Variants in MTCH2 observed in about 807,000 individuals in gnomAD.
The protein encoded by MTCH2 is mitochondrial carrier 2, also known as mitochondrial carrier homolog 2.
MTCH2 carries 25 observed loss-of-function variants against 50.6 expected under a neutral mutation model. The ratio of observed to expected loss-of-function variants is 0.49; its 90% CI spans 0.36 to 0.69. MTCH2 has a LOEUF of 0.69. Ranked by LOEUF, MTCH2 falls within the 30% of genes least tolerant of loss-of-function variation. The pLI is 0.00. For missense variants in MTCH2, 273 were observed against 384.4 expected (o/e 0.71, Z 2.42); for synonymous variants, 106 against 132.0 (o/e 0.80, Z 1.35).
At chr11:47,630,946 G>A in intron 7 of MTCH2, 90 bp downstream of exon 7, 2 of 1,062,366 alleles carry the variant, frequency 1.9e-6, no homozygotes, top group Middle Eastern at 2.3e-4. Context: ...TCTACAAATT[G>A]TAAGGGTATC....
chr11:47,628,497 A>T (rs1715814252), intron 9 of MTCH2, among the ~76,000 whole-genome samples: 1 of 152,224 alleles, frequency 6.6e-6, no homozygotes, highest in African/African-American at 2.4e-5. Context: ...TTTCATTAGC[A>T]TTTGAAAATT....
At chr11:47,612,342 C>T (rs191513292), downstream of MTCH2, among the ~76,000 whole-genome samples, 12 of 151,840 alleles carry the variant, frequency 7.9e-5, no homozygotes, top group East Asian at 1.2e-3. Flanking sequence ...CTGAGATGGG[C>T]GGATCATGAG....
downstream of MTCH2, among the ~76,000 whole-genome samples, chr11:47,616,682 CTTTTTTTTTT>C (rs1313533322): frequency 1.5e-5 from 2 of 137,610 alleles, no homozygotes; most frequent in South Asian, 2.3e-4. Context: ...CTTTTTTTTT[CTTTTTTTTTT>C]TTTTAAGAGA....
chr11:47,613,672 T>G (rs2097286795), downstream of MTCH2, among the ~76,000 whole-genome samples: 1 of 152,220 alleles, frequency 6.6e-6, no homozygotes, highest in African/African-American at 2.4e-5. Flanking sequence ...TTTCCGCTAT[T>G]TATAATTCTG....
intron 1 of MTCH2, among the ~76,000 whole-genome samples, chr11:47,639,539 TAGA>T (rs1373515003): frequency 1.3e-5 from 2 of 152,220 alleles, no homozygotes; most frequent in Non-Finnish European, 2.9e-5. Context: ...AACTTCATGT[TAGA>T]AGAACAGGCT....
the MTCH2 span, among the ~76,000 whole-genome samples, chr11:47,611,081 A>G: frequency 2.0e-5 from 3 of 152,144 alleles, no homozygotes; most frequent in African/African-American, 4.8e-5. Context: ...TAATCCTCCA[A>G]TACTCCTAGA....
chr11:47,639,232 T>C (rs1185556539), intron 1 of MTCH2, among the ~76,000 whole-genome samples, 181 bp from the exon 2 acceptor site: 4 of 152,240 alleles, frequency 2.6e-5, no homozygotes, highest in Admixed American at 6.5e-5. Context: ...TTGGTAATAC[T>C]GAGTTCAATA....
intron 1 of MTCH2, among the ~76,000 whole-genome samples, chr11:47,641,756 G>A (rs1176322655): frequency 6.6e-6 from 1 of 152,176 alleles, no homozygotes; most frequent in Non-Finnish European, 1.5e-5. Flanking sequence ...AGCCACATGG[G>A]CCGCTGCTGG....
chr11:47,621,516 T>A (rs999749002), intron 12 of MTCH2, among the ~76,000 whole-genome samples: 20 of 151,270 alleles, frequency 1.3e-4, no homozygotes, highest in African/African-American at 4.9e-4. Flanking sequence ...CACTGCAACC[T>A]CCACCTCCTG....
rs76146660 is a variant in MTCH2, at chr11:47,622,780, A to G, written c.750-4T>C. 1 of 1,253,242 alleles carries G rather than the reference A, an allele frequency of 8.0e-7. No homozygotes were observed. Among genetic ancestry groups the G allele is most frequent in the Admixed American group, 3.6e-5 (1 of 27,866 alleles). 77.6% of individuals were successfully genotyped at this position (1,253,242 alleles called of 1,614,324 possible). A position where few individuals can be genotyped will look rare whatever the true frequency, so the allele number is the denominator to read the frequency against. On this transcript the variant is annotated splice_region_variant and splice_polypyrimidine_tract_variant and intron_variant, in intron 11 of 12. Coordinates refer to ENST00000302503, the MANE Select transcript of MTCH2 (RefSeq NM_014342.4). ...AGGAGGGCATCCACCAGCAAGACTA[A>G]AATAGAAAAAAACATGGAGCTATTC...
In MTCH2 at chr11:47,626,331, CTTTT is replaced by C. The variant is rs572241881; in HGVS notation, c.682-594_682-591del. Among the ~76,000 whole-genome samples, 76 of 135,548 alleles carry C rather than the reference CTTTT, an allele frequency of 5.6e-4. 2 individuals are homozygous for C. The highest frequency in any genetic ancestry group is 1.8e-3 in the African/African-American group (68 of 37,106). 88.9% of individuals were successfully genotyped at this position (135,548 alleles called of 152,430 possible). On this transcript the variant is annotated intron_variant, in intron 10 of 12. Transcript: ENST00000302503. ...GAGTGAGCCACCGCGCCTGCCCCAG[CTTTT>C]TTTTTTTTTTTTCACTTTTGTAGAA...
chr11:47,609,875 C>T, the MTCH2 span, among the ~76,000 whole-genome samples: 9 of 152,104 alleles, frequency 5.9e-5, no homozygotes, highest in South Asian at 2.1e-4. Context: ...CTAAAGGCGA[C>T]GGGAAAGAAA....
the MTCH2 span, among the ~76,000 whole-genome samples, chr11:47,610,875 G>A: frequency 6.6e-5 from 10 of 152,122 alleles, no homozygotes; most frequent in Non-Finnish European, 1.3e-4. Flanking sequence ...AGCCACAATC[G>A]GAGCCGCTTC....
downstream of MTCH2, among the ~76,000 whole-genome samples, chr11:47,613,092 G>C (rs1296912157): frequency 6.6e-6 from 1 of 151,380 alleles, no homozygotes; most frequent in Non-Finnish European, 1.5e-5. Flanking sequence ...AGTTTTAGTA[G>C]AGACAGGATC....
At position 47,618,161 on chromosome 11, in the gene MTCH2, T is replaced by A. The variant is rs2097289807; in HGVS notation, c.*672A>T. The A allele has an allele frequency of 6.6e-6, 1 of 152,230 alleles. No individual in the cohort carries two copies. Among genetic ancestry groups the A allele is most frequent in the Admixed American group, 6.6e-5 (1 of 15,260 alleles). The allele number at this position is 152,230 out of a possible 1,614,324, so 9.4% of individuals were successfully genotyped here. On this transcript the variant is annotated 3_prime_UTR_variant, in exon 13 of 13. Coordinates refer to ENST00000302503, the MANE Select transcript of MTCH2 (RefSeq NM_014342.4). ...TTTTTCTTTGTTGTTGCTGACCCTT[T>A]ATCTTATTTATTTTTTTTCAGGTAG...
chr11:47,638,767 A>G lies in MTCH2; in HGVS notation c.211T>C (p.Phe71Leu). 2.5e-6 allele frequency: 4 copies of G among 1,614,276 alleles called. No individual in the cohort carries two copies. The highest frequency in any genetic ancestry group is 3.4e-6 in the Non-Finnish European group (4 of 1,180,054). The change falls in exon 3 of 13, where the codon TTC becomes CTC. Residue 71 changes from phenylalanine to leucine, a missense_variant. By Grantham distance (22) the Phe-to-Leu change is conservative. Transcript: ENST00000302503. Reference protein sequence around the residue: ...IASIDGRRGLFTGLTPRLCSG... With the variant: ...IASIDGRRGLLTGLTPRLCSG... ...CACAGTCTTGGAGTTAAGCCTGTGA[A>G]CAACCCGCGCCTCCCATCGATACTG...
chr11:47,631,155 T>C (rs138136447), intron 6 of MTCH2, 68 bp from the exon 7 acceptor site: 1 of 1,351,880 alleles, frequency 7.4e-7, no homozygotes, highest in Non-Finnish European at 1.1e-6. Flanking sequence ...ACACCTGTAA[T>C]CCCAGCACTT....
intron 12 of MTCH2, among the ~76,000 whole-genome samples, chr11:47,620,400 T>TC (rs1269004742): frequency 1.3e-5 from 2 of 151,716 alleles, no homozygotes; most frequent in Non-Finnish European, 2.9e-5. Context: ...GCCAGAGACC[T>TC]CAGCCAGGAG....
chr11:47,631,121 T>C (rs777658987), intron 6 of MTCH2, 34 bp from the exon 7 acceptor site: 2 of 1,587,940 alleles, frequency 1.3e-6, no homozygotes, highest in African/African-American at 2.7e-5. Flanking sequence ...TTTACAACTA[T>C]GTTAAGGCCA....
Sources: allele counts gnomAD v4.1 joint callset (sites outside exome capture counted in the v4.1 genomes callset), GRCh38; gene constraint gnomAD v4.1.1; transcripts MANE v1.5; gene names NCBI Gene and HGNC (gene_info 2026-07-23, HGNC 2026-07-21).